Variants in FGF2 observed in about 807,000 individuals in gnomAD.
FGF2 encodes the protein fibroblast growth factor 2, also known as basic fibroblast growth factor bFGF.
A neutral mutation model predicts 15.9 loss-of-function variants in FGF2; 13 were observed. The ratio of observed to expected loss-of-function variants is 0.82; its 90% CI spans 0.53 to 1.30. FGF2 has a LOEUF of 1.30. Ranked by LOEUF, FGF2 falls within the 50% of genes most tolerant of loss-of-function variation. FGF2 has a pLI of 0.00. For synonymous variants in FGF2, 90 were observed against 78.4 expected (o/e 1.15, Z -0.78); for missense variants, 163 against 196.9 (o/e 0.83, Z 1.03).
rs998784391 is a variant in FGF2, at chr4:122,828,291, A to G, written c.178+939A>G. 3.3e-5 allele frequency among the ~76,000 whole-genome samples: 5 copies of G among 152,222 alleles called. No individual in the cohort carries two copies. In the East Asian group the frequency reaches 7.7e-4, roughly 23 times the overall value. ...CTGATCACATCACACTTTGAGAGCC[A>G]CTGGTCTAGAGGAAAGAGAAAGAAA... On this transcript the variant is annotated intron_variant, in intron 1 of 2. Coordinates refer to ENST00000644866, the MANE Select transcript of FGF2 (RefSeq NM_001361665.2).
At chr4:122,839,763 C>A (rs879511902) in intron 1 of FGF2, among the ~76,000 whole-genome samples, 1 of 152,132 alleles carries the variant, frequency 6.6e-6, no homozygotes, top group Non-Finnish European at 1.5e-5. Context: ...TAGTTCTAAC[C>A]CTGACTACTG....
chr4:122,838,306 G>A (rs895614963), intron 1 of FGF2, among the ~76,000 whole-genome samples: 1 of 152,130 alleles, frequency 6.6e-6, no homozygotes, highest in Admixed American at 6.5e-5. Context: ...CAGGTGTTTG[G>A]CCTTTACCAC....
chr4:122,844,586 T>TCTTTCTTCCTTCCTTC (rs1419377686), intron 1 of FGF2, among the ~76,000 whole-genome samples: 3 of 133,874 alleles, frequency 2.2e-5, no homozygotes, highest in African/African-American at 6.6e-5. Context: ...TTTCTTTCTT[T>TCTTTCTTCCTTCCTTC]CTTCCTTCCT....
At chr4:122,831,650 G>C (rs1294511186) in intron 1 of FGF2, among the ~76,000 whole-genome samples, 2 of 152,186 alleles carry the variant, frequency 1.3e-5, no homozygotes, top group South Asian at 2.1e-4. Context: ...GACAATTCAT[G>C]AGTCATAGAT....
At chr4:122,835,154 A>G (rs1225507169) in intron 1 of FGF2, among the ~76,000 whole-genome samples, 3 of 152,054 alleles carry the variant, frequency 2.0e-5, no homozygotes, top group Non-Finnish European at 2.9e-5. Context: ...CTCCTATCCC[A>G]TGAGCTGTGG....
intron 1 of FGF2, among the ~76,000 whole-genome samples, chr4:122,860,530 C>T (rs1045694135): frequency 7.0e-6 from 1 of 142,308 alleles, no homozygotes; most frequent in African/African-American, 2.5e-5. Flanking sequence ...TCATGGTTCA[C>T]TGCAACCTCC....
chr4:122,849,336 C>T (rs916064565), intron 1 of FGF2, among the ~76,000 whole-genome samples: 1 of 151,950 alleles, frequency 6.6e-6, no homozygotes, highest in African/African-American at 2.4e-5. Flanking sequence ...TCATTCTCAG[C>T]AAACTAACAC....
chr4:122,827,536 C>T lies in FGF2; in HGVS notation c.178+184C>T, dbSNP rs1420044737. 6.6e-6 allele frequency among the ~76,000 whole-genome samples: 1 copy of T among 152,130 alleles called. No individual in the cohort carries two copies. The highest frequency in any genetic ancestry group is 1.5e-5 in the Non-Finnish European group (1 of 68,018). ...TCACCCCCTCCTTTCCGGGCTGCGGCGTAGGCCCGGGTGTCCCCTGGGCTT... is the reference window on the plus strand; with the variant it reads ...TCACCCCCTCCTTTCCGGGCTGCGGTGTAGGCCCGGGTGTCCCCTGGGCTT... On this transcript the variant is annotated intron_variant, in intron 1 of 2. Coordinates refer to ENST00000644866, the MANE Select transcript of FGF2 (RefSeq NM_001361665.2). The surrounding 1 kb of genome is among the most constrained non-coding windows in gnomAD (Gnocchi z 4.2).
chr4:122,892,246 A>G lies in FGF2; in HGVS notation c.318A>G (p.Arg106=), dbSNP rs1265866300. The G allele has an allele frequency of 3.7e-6, 6 of 1,613,762 alleles. No homozygotes were observed. Among genetic ancestry groups the G allele is most frequent in the Middle Eastern group, 1.7e-4 (1 of 6,060 alleles). Residue 106 remains arginine (R), a synonymous_variant, in exon 3 of 3, where the codon CGA becomes CGG. Transcript: ENST00000644866. ...CVTDECFFFE[R]LESNNYNTYR... The stretch of plus-strand genomic sequence containing the variant: ...CGGATGAGTGTTTCTTTTTTGAACG[A>G]TTGGAATCTAATAACTACAATACTT...
intron 1 of FGF2, among the ~76,000 whole-genome samples, chr4:122,835,770 T>C (rs1297580931): frequency 6.6e-6 from 1 of 152,180 alleles, no homozygotes; most frequent in Admixed American, 6.5e-5. Flanking sequence ...GCTTTCCTTC[T>C]TAAACATGAC....
chr4:122,827,191 T>G lies in FGF2; in HGVS notation c.17T>G (p.Ile6Ser). ...GCAGGGACCATGGCAGCCGGGAGCATCACCACGCTGCCCGCCTTGCCCGAG... is the reference window on the plus strand; with the variant it reads ...GCAGGGACCATGGCAGCCGGGAGCAGCACCACGCTGCCCGCCTTGCCCGAG... Reference protein sequence around the residue: MAAGSITTLPALPEDG... With the variant: MAAGSSTTLPALPEDG... Residue 6 changes from isoleucine (I) to serine (S), a missense_variant, in exon 1 of 3, where the codon ATC (isoleucine) becomes AGC (serine). Coordinates refer to ENST00000644866, the MANE Select transcript of FGF2 (RefSeq NM_001361665.2). This position sits in a 1 kb window ranked among gnomAD's most constrained non-coding sequence, Gnocchi z 4.2. 6.3e-7 allele frequency: 1 copy of G among 1,596,956 alleles called. No individual in the cohort carries two copies. The highest frequency in any genetic ancestry group is 8.5e-7 in the Non-Finnish European group (1 of 1,173,828).
chr4:122,858,225 A>T (rs1726378955), intron 1 of FGF2, among the ~76,000 whole-genome samples: 1 of 152,154 alleles, frequency 6.6e-6, no homozygotes, highest in Admixed American at 6.5e-5. Flanking sequence ...GATATGCAAA[A>T]TAAAATAGTA....
upstream of FGF2, chr4:122,826,752 G>C: frequency 7.7e-7 from 1 of 1,294,842 alleles, no homozygotes. Context: ...GCGCAGGAGG[G>C]AGGAGAACTG....
chr4:122,889,550 T>C (rs1359466395), intron 2 of FGF2, among the ~76,000 whole-genome samples: 1 of 152,178 alleles, frequency 6.6e-6, no homozygotes. Context: ...CTGTTAGACA[T>C]CTACTTTTCT....
intron 1 of FGF2, among the ~76,000 whole-genome samples, chr4:122,847,637 CTATCTGTCTATCTAAT>C (rs1327365898): frequency 2.3e-5 from 3 of 131,356 alleles, no homozygotes; most frequent in African/African-American, 1.3e-4. Flanking sequence ...ATCTATCTAT[CTATCTGTCTATCTAAT>C]CTATCTATCT....
chr4:122,858,538 C>T (rs1048310835), intron 1 of FGF2, among the ~76,000 whole-genome samples: 9 of 152,108 alleles, frequency 5.9e-5, no homozygotes, highest in African/African-American at 2.2e-4. Flanking sequence ...GCTGGGACTA[C>T]AGGTGCATGC....
chr4:122,828,754 CACTT>C (rs1725701353), intron 1 of FGF2, among the ~76,000 whole-genome samples: 1 of 152,136 alleles, frequency 6.6e-6, no homozygotes, highest in African/African-American at 2.4e-5. Context: ...TTTTATCAAT[CACTT>C]AATCCCGTAA....
At chr4:122,849,201 C>T (rs1726176891) in intron 1 of FGF2, among the ~76,000 whole-genome samples, 1 of 152,100 alleles carries the variant, frequency 6.6e-6, no homozygotes, top group African/African-American at 2.4e-5. Context: ...TGTTCCCAAC[C>T]AAAGTGCCCA....
At chr4:122,861,989 A>C (rs41354048) in intron 1 of FGF2, among the ~76,000 whole-genome samples, 5,444 of 152,244 alleles carry the variant, frequency 0.036, 333 homozygotes, top group African/African-American at 0.12. Context: ...GTGCTCTCAA[A>C]GTAGCCTGTG....
Sources: gnomAD v4.1 joint callset for allele counts (sites outside exome capture counted in the v4.1 genomes callset) on GRCh38, gnomAD v4.1.1 for gene constraint, Gnocchi (gnomAD v3.1) non-coding constraint, MANE v1.5 for transcripts, NCBI Gene and HGNC (gene_info 2026-07-23, HGNC 2026-07-21) for gene names.